Variants in CWF19L2 observed in about 807,000 individuals in gnomAD.
CWF19L2 encodes the protein CWF19 like cell cycle control factor 2.
In CWF19L2, 98 loss-of-function variants were observed where a neutral mutation model predicts 111.7. That is an observed-to-expected ratio of 0.88 (90% CI 0.75 to 1.04). CWF19L2 has a LOEUF of 1.04. Among genes scored for constraint, CWF19L2 ranks in the 50% least tolerant of loss-of-function variants. The pLI, the probability that CWF19L2 is intolerant of heterozygous loss-of-function variation, is 0.00. For missense variants in CWF19L2, 1,101 were observed against 1,051.4 expected (o/e 1.05, Z -0.65); for synonymous variants, 351 against 342.9 (o/e 1.02, Z -0.26).
chr11:107,406,023 C>A (rs1164956128), intron 10 of CWF19L2, among the ~76,000 whole-genome samples: 1 of 151,980 alleles, frequency 6.6e-6, no homozygotes, highest in Non-Finnish European at 1.5e-5. Context: ...GTGGCTTCCA[C>A]CAGGATTGGA....
At chr11:107,335,252 A>G (rs892198857) in intron 15 of CWF19L2, among the ~76,000 whole-genome samples, 9 of 152,186 alleles carry the variant, frequency 5.9e-5, no homozygotes, top group African/African-American at 2.2e-4. Flanking sequence ...TATGAAACAT[A>G]ATTTGTGATC....
intron 16 of CWF19L2, 124 bp downstream of exon 16, chr11:107,334,757 G>C (rs565534668): frequency 2.9e-6 from 2 of 697,780 alleles, no homozygotes; most frequent in Non-Finnish European, 5.1e-6. Context: ...AACTTCATTT[G>C]TCGAACTAGT....
At chr11:107,438,058 T>A (rs1201924250) in intron 6 of CWF19L2, among the ~76,000 whole-genome samples, 23 of 152,176 alleles carry the variant, frequency 1.5e-4, no homozygotes, top group Admixed American at 1.5e-3. Flanking sequence ...GTAAAATTGC[T>A]AAATTAAGAA....
chr11:107,361,467 T>C (rs746579992), intron 12 of CWF19L2, among the ~76,000 whole-genome samples: 8 of 152,222 alleles, frequency 5.3e-5, no homozygotes, highest in Non-Finnish European at 1.0e-4. Context: ...GGCTCTTTTT[T>C]GGTTCCATAT....
chr11:107,353,150 G>A (rs554595580), intron 13 of CWF19L2, among the ~76,000 whole-genome samples: 16 of 151,928 alleles, frequency 1.1e-4, no homozygotes, highest in Non-Finnish European at 1.6e-4. Context: ...TTCAAATCAG[G>A]GCAATTATTA....
chr11:107,439,187 G>T lies in CWF19L2; in HGVS notation c.571-4C>A. 1 of 1,566,404 alleles carries T rather than the reference G, an allele frequency of 6.4e-7. No individual in the cohort carries two copies. Among genetic ancestry groups the T allele is most frequent in the Non-Finnish European group, 8.7e-7 (1 of 1,153,616 alleles). The stretch of plus-strand genomic sequence containing the variant: ...ATTCTCTTTCCATCAGTTTGGACTA[G>T]AACAAATTATTTTCAGAGGTGAAAT... On this transcript the variant is annotated splice_polypyrimidine_tract_variant and splice_region_variant and intron_variant, in intron 5 of 17. Transcript: ENST00000282251.
intron 3 of CWF19L2, among the ~76,000 whole-genome samples, chr11:107,444,948 C>G (rs1003756783): frequency 2.2e-4 from 34 of 152,302 alleles, no homozygotes; most frequent in African/African-American, 7.9e-4. Flanking sequence ...GTACCTGACC[C>G]AATTCACATC....
intron 7 of CWF19L2, among the ~76,000 whole-genome samples, chr11:107,432,301 G>A: frequency 6.6e-6 from 1 of 152,206 alleles, no homozygotes. Context: ...AATTCGGCTG[G>A]GCGCAGTGGC....
intron 4 of CWF19L2, 69 bp downstream of exon 4, chr11:107,442,870 G>C (rs1181627752): frequency 1.3e-5 from 11 of 820,706 alleles, no homozygotes; most frequent in Non-Finnish European, 2.1e-5. Flanking sequence ...GAGAGGGAAG[G>C]AGGGAGGGAG....
rs962294479 is a variant in CWF19L2, at chr11:107,372,071, A to C, written c.1872+18003T>G. On this transcript the variant is annotated intron_variant, in intron 12 of 17. Coordinates refer to ENST00000282251, the MANE Select transcript of CWF19L2 (RefSeq NM_152434.3). ...TCTGGAATTCCATGCACTTGACTTC[A>C]AGTCCCAAATATGAGACTCCAGAAA... is the stretch of plus-strand genomic sequence containing the variant. 1.5e-5 allele frequency among the ~76,000 whole-genome samples: 2 copies of C among 135,812 alleles called. 1 individual carries two copies. Among genetic ancestry groups the C allele is most frequent in the Non-Finnish European group, 3.1e-5 (2 of 63,860 alleles). The allele number at this position is 135,812 out of a possible 152,430, so 89.1% of individuals were successfully genotyped here. A position where few individuals can be genotyped will look rare whatever the true frequency, so the allele number is the denominator to read the frequency against.
rs374544446 is a variant in CWF19L2, at chr11:107,337,442, T to C, written c.2203-729A>G. 1.1e-4 allele frequency among the ~76,000 whole-genome samples: 17 copies of C among 151,636 alleles called. No individual in the cohort carries two copies. The East Asian group carries it at 2.9e-3, about 26-fold the overall frequency. ...CACTCCTAGGCCTAAAGGGCAGCTGTTTGTAGAGGGTGACTGAATAGAGCT... is the reference window on the plus strand; with the variant it reads ...CACTCCTAGGCCTAAAGGGCAGCTGCTTGTAGAGGGTGACTGAATAGAGCT... On this transcript the variant is annotated intron_variant, in intron 14 of 17. Coordinates refer to ENST00000282251, the MANE Select transcript of CWF19L2 (RefSeq NM_152434.3).
chr11:107,435,380 C>T (rs760392792), intron 6 of CWF19L2, among the ~76,000 whole-genome samples: 1 of 151,948 alleles, frequency 6.6e-6, no homozygotes, highest in Non-Finnish European at 1.5e-5. Flanking sequence ...GTAATAAATA[C>T]CTATATGAAT....
intron 12 of CWF19L2, among the ~76,000 whole-genome samples, chr11:107,379,749 A>C (rs898771729): frequency 3.3e-5 from 5 of 152,212 alleles, no homozygotes. Context: ...CTACAAATTA[A>C]CTGTCATTTT....
chr11:107,411,117 A>T (rs1861152193), intron 10 of CWF19L2, among the ~76,000 whole-genome samples: 1 of 143,134 alleles, frequency 7.0e-6, no homozygotes, highest in Non-Finnish European at 1.5e-5. Flanking sequence ...ACACACACAC[A>T]CTATCATAAA....
chr11:107,354,473 C>A (rs922665071), intron 12 of CWF19L2, among the ~76,000 whole-genome samples: 1 of 152,092 alleles, frequency 6.6e-6, no homozygotes, highest in Admixed American at 6.5e-5. Flanking sequence ...GCCTGCGTAT[C>A]CCTTATCCAA....
At chr11:107,363,474 T>C (rs1385925244) in intron 12 of CWF19L2, among the ~76,000 whole-genome samples, 1 of 151,666 alleles carries the variant, frequency 6.6e-6, no homozygotes, top group Non-Finnish European at 1.5e-5. Flanking sequence ...AGCGGATCTC[T>C]AGGCAGAAAC....
chr11:107,356,764 A>G (rs989349175), intron 12 of CWF19L2, among the ~76,000 whole-genome samples: 1 of 152,224 alleles, frequency 6.6e-6, no homozygotes, highest in African/African-American at 2.4e-5. Flanking sequence ...TAGGCCAGGC[A>G]CAGTGGCTCA....
At chr11:107,429,981 A>T (rs1046843261) in intron 7 of CWF19L2, among the ~76,000 whole-genome samples, 1 of 152,070 alleles carries the variant, frequency 6.6e-6, no homozygotes, top group African/African-American at 2.4e-5. Flanking sequence ...AATGTAAGTT[A>T]TAAGAAAAAA....
intron 17 of CWF19L2, among the ~76,000 whole-genome samples, chr11:107,328,138 C>CAAAA (rs10578324): frequency 3.4e-5 from 4 of 118,428 alleles, no homozygotes; most frequent in Admixed American, 8.7e-5. Flanking sequence ...TGTGGAGACT[C>CAAAA]AAAAAAAAAA....
Sources: gnomAD v4.1 joint callset for allele counts (sites outside exome capture counted in the v4.1 genomes callset) on GRCh38, gnomAD v4.1.1 for gene constraint, MANE v1.5 for transcripts, NCBI Gene and HGNC (gene_info 2026-07-23, HGNC 2026-07-21) for gene names.